DLC1: variants seen among roughly 807,000 people sequenced by gnomAD.
DLC1 encodes DLC1 Rho GTPase activating protein.
DLC1 carries 54 observed loss-of-function variants against 140.3 expected under a neutral mutation model. The ratio of observed to expected loss-of-function variants is 0.38; its 90% CI spans 0.31 to 0.48. The LOEUF is 0.48. DLC1 is among the 20% of genes least tolerant of loss of function. The pLI, the probability that DLC1 is intolerant of heterozygous loss-of-function variation, is 0.96. For synonymous variants in DLC1, 986 were observed against 728.1 expected (o/e 1.35, Z -5.70); for missense variants, 2,536 against 1,907.0 (o/e 1.33, Z -6.14).
At chr8:13,508,214 C>T (rs1264842967) in intron 1 of DLC1, among the ~76,000 whole-genome samples, 1 of 152,186 alleles carries the variant, frequency 6.6e-6, no homozygotes, top group Non-Finnish European at 1.5e-5. Context: ...TGACTTACCA[C>T]CCACTTTATG....
chr8:13,430,306 C>T (rs536440550), intron 2 of DLC1, among the ~76,000 whole-genome samples: 2 of 152,024 alleles, frequency 1.3e-5, no homozygotes, highest in Non-Finnish European at 2.9e-5. Context: ...CTTTGAGAAA[C>T]AAAGGCCTTT....
At chr8:13,207,276 G>C (rs762864418) in intron 5 of DLC1, among the ~76,000 whole-genome samples, 2 of 152,050 alleles carry the variant, frequency 1.3e-5, no homozygotes, top group East Asian at 3.9e-4. Flanking sequence ...AGACATCAAG[G>C]CATATATATT....
rs139708415 is a variant in DLC1, at chr8:13,141,509, C to G, written c.1349-25852G>C. Among the ~76,000 whole-genome samples the G allele has an allele frequency of 3.9e-4, 60 of 152,282 alleles. 3 individuals carry two copies. In the East Asian group the frequency reaches 0.011, roughly 28 times the overall value. On this transcript the variant is annotated intron_variant, in intron 5 of 17. Coordinates refer to ENST00000276297, the MANE Select transcript of DLC1 (RefSeq NM_182643.3). ...GTCAGTAAAAAAGAATGGACTCACT[C>G]ATGAGTTTATTTCCACTAAGGAGAC...
intron 2 of DLC1, among the ~76,000 whole-genome samples, chr8:13,421,788 C>G (rs1441679281): frequency 6.6e-6 from 1 of 152,288 alleles, no homozygotes; most frequent in African/African-American, 2.4e-5. Flanking sequence ...GGAAACCAAA[C>G]AATGGCTTCT....
intron 4 of DLC1, among the ~76,000 whole-genome samples, chr8:13,352,640 T>C (rs1322095634): frequency 6.6e-6 from 1 of 152,148 alleles, no homozygotes; most frequent in Non-Finnish European, 1.5e-5. Flanking sequence ...TCAGCTTCCT[T>C]AGTAACTGGG....
intron 5 of DLC1, among the ~76,000 whole-genome samples, chr8:13,126,125 T>C (rs1391345625): frequency 6.6e-6 from 1 of 152,132 alleles, no homozygotes; most frequent in East Asian, 1.9e-4. Context: ...TTTGAGCCCA[T>C]GAGGGACATG....
intron 1 of DLC1, among the ~76,000 whole-genome samples, chr8:13,575,777 G>C (rs1804816316): frequency 6.6e-6 from 1 of 152,174 alleles, no homozygotes. Flanking sequence ...TGAGAGCCCA[G>C]CATTGTGTAT....
chr8:13,259,139 G>GAA (rs776038964), intron 5 of DLC1, among the ~76,000 whole-genome samples: 32 of 66,644 alleles, frequency 4.8e-4, no homozygotes, highest in African/African-American at 1.2e-3. Context: ...TCCGTCTCAA[G>GAA]AAAAAAAAAA....
chr8:13,572,455 T>A (rs900471499), intron 1 of DLC1, among the ~76,000 whole-genome samples: 1 of 152,200 alleles, frequency 6.6e-6, no homozygotes, highest in African/African-American at 2.4e-5. Flanking sequence ...CTCTTGATAG[T>A]GTCTTTTTAT....
At chr8:13,511,429 C>A (rs7006564) in intron 1 of DLC1, among the ~76,000 whole-genome samples, 20 of 152,146 alleles carry the variant, frequency 1.3e-4, no homozygotes, top group Admixed American at 3.9e-4. Context: ...CCTCAAGGTC[C>A]TAGTTTATTC....
chr8:13,477,292 CT>C (rs1161612456), intron 2 of DLC1, among the ~76,000 whole-genome samples: 1 of 152,124 alleles, frequency 6.6e-6, no homozygotes, highest in Admixed American at 6.5e-5. Context: ...GAAGATGTAG[CT>C]TTGGTAATTT....
At chr8:13,144,405 C>A (rs1001230705) in intron 5 of DLC1, among the ~76,000 whole-genome samples, 1 of 152,158 alleles carries the variant, frequency 6.6e-6, no homozygotes, top group African/African-American at 2.4e-5. Flanking sequence ...CTTGGTTCTC[C>A]ACCTTGCGGA....
chr8:13,358,416 C>A (rs1188522508), intron 4 of DLC1, among the ~76,000 whole-genome samples: 1 of 152,204 alleles, frequency 6.6e-6, no homozygotes, highest in East Asian at 1.9e-4. Context: ...TGGCCTTTGA[C>A]TTGCATTTAG....
chr8:13,115,667 A>C lies in DLC1; in HGVS notation c.1349-10T>G. 6.2e-7 allele frequency: 1 copy of C among 1,613,078 alleles called. No homozygotes were observed. The highest frequency in any genetic ancestry group is 8.5e-7 in the Non-Finnish European group (1 of 1,179,688). ...TCCTTGGCTTCAATTTCTAGAACAG[A>C]ACAGAAGAAAGACAAAATTAGCCAT... On this transcript the variant is annotated splice_polypyrimidine_tract_variant and intron_variant, in intron 5 of 17. Coordinates refer to ENST00000276297, the MANE Select transcript of DLC1 (RefSeq NM_182643.3).
intron 2 of DLC1, among the ~76,000 whole-genome samples, chr8:13,413,256 A>ATGTTTTTTTTTTTTTT (rs1837875443): frequency 1.2e-5 from 1 of 82,006 alleles, no homozygotes; most frequent in Non-Finnish European, 2.3e-5. Flanking sequence ...TTTTTTTGCG[A>ATGTTTTTTTTTTTTTT]TTTTTTTTTT....
intron 5 of DLC1, among the ~76,000 whole-genome samples, chr8:13,303,428 G>T (rs551001793): frequency 1.2e-4 from 19 of 152,244 alleles, no homozygotes; most frequent in Non-Finnish European, 2.2e-4. Context: ...AAAAATTGTT[G>T]TTCTTAAGGA....
intron 1 of DLC1, chr8:13,536,111 A>T (rs1212489853): frequency 6.6e-6 from 1 of 152,256 alleles, no homozygotes; most frequent in Non-Finnish European, 1.5e-5. Context: ...ATGGGAGAAC[A>T]GCAAAGAATG....
chr8:13,372,857 A>G (rs1056316329), intron 4 of DLC1, among the ~76,000 whole-genome samples: 3 of 152,178 alleles, frequency 2.0e-5, no homozygotes, highest in African/African-American at 7.2e-5. Flanking sequence ...TATAATTTAT[A>G]ATAAATGTTC....
chr8:13,271,248 G>T (rs1160423481), intron 5 of DLC1, among the ~76,000 whole-genome samples: 1 of 152,172 alleles, frequency 6.6e-6, no homozygotes, highest in African/African-American at 2.4e-5. Flanking sequence ...TACTAGAGGA[G>T]GCTGCATATT....
Sources: gnomAD v4.1 joint callset for allele counts (sites outside exome capture counted in the v4.1 genomes callset) on GRCh38, gnomAD v4.1.1 for gene constraint, MANE v1.5 for transcripts, NCBI Gene and HGNC (gene_info 2026-07-23, HGNC 2026-07-21) for gene names.